Variants in PDLIM5 observed in about 807,000 individuals in gnomAD.
The protein encoded by PDLIM5 is PDZ and LIM domain 5, also known as PDZ and LIM domain protein 5.
In PDLIM5, 34 loss-of-function variants were observed where a neutral mutation model predicts 64.2. The ratio of observed to expected loss-of-function variants is 0.53; its 90% confidence interval spans 0.40 to 0.71. PDLIM5 has a LOEUF of 0.71. Ranked by LOEUF, PDLIM5 falls within the 30% of genes least tolerant of loss-of-function variation. The pLI is 0.00. For missense variants in PDLIM5, 683 were observed against 733.6 expected, an observed-to-expected ratio of 0.93 and a Z score of 0.80; for synonymous variants, 253 against 269.1, an observed-to-expected ratio of 0.94 and a Z score of 0.59.
At chr4:94,511,702 G>A (rs1189080584) in intron 2 of PDLIM5, among the ~76,000 whole-genome samples, 1 of 151,378 alleles carries the variant, frequency 6.6e-6, no homozygotes, top group African/African-American at 2.4e-5. Context: ...TGGCTTTTTT[G>A]GTCCCGCAGA....
chr4:94,456,281 C>A (rs1299194432), intron 2 of PDLIM5: 1 of 512,144 alleles, frequency 2.0e-6, no homozygotes, highest in East Asian at 3.6e-5. Flanking sequence ...TCACCACAAC[C>A]TCCATCTCCC....
At chr4:94,489,685 G>C (rs1726682193) in intron 2 of PDLIM5, among the ~76,000 whole-genome samples, 1 of 152,074 alleles carries the variant, frequency 6.6e-6, no homozygotes, top group South Asian at 2.1e-4. Context: ...CAGCATTTTG[G>C]AAGGCCAAAG....
At chr4:94,480,884 C>G (rs571789083) in intron 2 of PDLIM5, among the ~76,000 whole-genome samples, 33 of 152,214 alleles carry the variant, frequency 2.2e-4, no homozygotes, top group African/African-American at 7.5e-4. Context: ...TCGTATTAGT[C>G]CTTTTATATT....
chr4:94,483,775 C>A (rs1459560411), intron 2 of PDLIM5, among the ~76,000 whole-genome samples: 1 of 152,046 alleles, frequency 6.6e-6, no homozygotes, highest in Non-Finnish European at 1.5e-5. Flanking sequence ...TGATTATTAC[C>A]CTGCTTTTAA....
chr4:94,587,170 T>C, intron 7 of PDLIM5: 3 of 1,490,158 alleles, frequency 2.0e-6, no homozygotes, highest in Non-Finnish European at 2.7e-6. Flanking sequence ...TGTATTAAAT[T>C]TGCCTTATGA....
At chr4:94,625,716 G>A (rs556089427) in intron 8 of PDLIM5, among the ~76,000 whole-genome samples, 1 of 152,274 alleles carries the variant, frequency 6.6e-6, no homozygotes, top group East Asian at 1.9e-4. Context: ...GCCTCCCAAA[G>A]TGCTGGGATT....
intron 7 of PDLIM5, among the ~76,000 whole-genome samples, chr4:94,601,891 T>C (rs770831415): frequency 6.6e-6 from 1 of 152,204 alleles, no homozygotes; most frequent in Non-Finnish European, 1.5e-5. Context: ...TAGTTACAAA[T>C]GAGCAAACTC....
chr4:94,608,644 G>A (rs1023471823), intron 7 of PDLIM5, among the ~76,000 whole-genome samples: 28 of 152,000 alleles, frequency 1.8e-4, no homozygotes, highest in African/African-American at 5.1e-4. Context: ...ATTCATTACC[G>A]TTTCCTTTTC....
intron 2 of PDLIM5, among the ~76,000 whole-genome samples, chr4:94,507,321 A>G (rs1728477911): frequency 6.6e-6 from 1 of 152,124 alleles, no homozygotes; most frequent in Non-Finnish European, 1.5e-5. Context: ...TCCTTCTCAC[A>G]TGCAAAATAC....
intron 3 of PDLIM5, among the ~76,000 whole-genome samples, chr4:94,564,656 C>CTTTTTTTGTTTTTTTTTTTTT (rs1734139406): frequency 9.6e-6 from 1 of 104,542 alleles, no homozygotes; most frequent in Non-Finnish European, 1.8e-5. Flanking sequence ...AATTTTGTCT[C>CTTTTTTTGTTTTTTTTTTTTT]TTTTTTTTTT....
intron 2 of PDLIM5, among the ~76,000 whole-genome samples, chr4:94,471,570 T>C (rs1256248208): frequency 1.3e-5 from 2 of 152,200 alleles, no homozygotes; most frequent in African/African-American, 4.8e-5. Context: ...TTTAGTGAAC[T>C]GTATTCTACA....
chr4:94,521,139 T>G (rs1298750050), intron 2 of PDLIM5, among the ~76,000 whole-genome samples: 2 of 152,222 alleles, frequency 1.3e-5, no homozygotes, highest in Non-Finnish European at 2.9e-5. Context: ...AGATGGCTTG[T>G]ATTTTCTCTA....
At chr4:94,651,691 A>G (rs1009038282) in intron 9 of PDLIM5, among the ~76,000 whole-genome samples, 2 of 152,220 alleles carry the variant, frequency 1.3e-5, no homozygotes, top group African/African-American at 4.8e-5. Flanking sequence ...TTTGCAATTT[A>G]CAATAAGATA....
intron 9 of PDLIM5, among the ~76,000 whole-genome samples, chr4:94,645,618 G>A (rs1741353056): frequency 6.6e-6 from 1 of 152,022 alleles, no homozygotes; most frequent in Non-Finnish European, 1.5e-5. Flanking sequence ...ACTGTTTTTA[G>A]GAATATAATA....
intron 2 of PDLIM5, among the ~76,000 whole-genome samples, chr4:94,515,180 G>A (rs532218891): frequency 2.6e-5 from 4 of 152,134 alleles, no homozygotes; most frequent in Non-Finnish European, 5.9e-5. Context: ...TTGTATTATG[G>A]AGAGTTGGGT....
chr4:94,498,932 A>C (rs536737441), intron 2 of PDLIM5, among the ~76,000 whole-genome samples: 5 of 152,340 alleles, frequency 3.3e-5, no homozygotes, highest in African/African-American at 1.2e-4. Context: ...AGATTGCTCA[A>C]ACAATAGGTA....
In PDLIM5 at chr4:94,662,484, A is replaced by G; in HGVS notation, c.1648A>G (p.Met550Val). Reference sequence around the variant, plus strand: ...TGAATTTCCCATAGAAGCTGGTGACATGTTCCTGGAAGCTCTGGGCTACAC... The same window carrying G: ...TGAATTTCCCATAGAAGCTGGTGACGTGTTCCTGGAAGCTCTGGGCTACAC... Reference protein sequence around the residue: ...GCEFPIEAGDMFLEALGYTWH... With the variant: ...GCEFPIEAGDVFLEALGYTWH... The change falls in exon 12 of 13, where the codon ATG becomes GTG. Residue 550 changes from methionine to valine, a missense_variant. Transcript: ENST00000317968. 1 of 1,608,690 alleles carries G rather than the reference A, an allele frequency of 6.2e-7. No individual in the cohort carries two copies. The highest frequency in any genetic ancestry group is 8.5e-7 in the Non-Finnish European group (1 of 1,175,170).
intron 2 of PDLIM5, among the ~76,000 whole-genome samples, chr4:94,516,903 A>G (rs1729411003): frequency 6.6e-6 from 1 of 152,164 alleles, no homozygotes; most frequent in African/African-American, 2.4e-5. Context: ...AATGTAGTTG[A>G]ATAGCATTTG....
At chr4:94,637,786 A>C (rs972466655) in intron 8 of PDLIM5, among the ~76,000 whole-genome samples, 1 of 152,220 alleles carries the variant, frequency 6.6e-6, no homozygotes, top group Non-Finnish European at 1.5e-5. Context: ...ACATATGATC[A>C]GAGTAGTGTT....
Sources: gnomAD v4.1 joint callset for allele counts (sites outside exome capture counted in the v4.1 genomes callset) on GRCh38, gnomAD v4.1.1 for gene constraint, MANE v1.5 for transcripts, NCBI Gene and HGNC (gene_info 2026-07-23, HGNC 2026-07-21) for gene names.